Variants in SRFBP1 observed in about 807,000 individuals in gnomAD.
SRFBP1 encodes the protein serum response factor-binding protein 1.
A neutral mutation model predicts 45.5 loss-of-function variants in SRFBP1; 47 were observed. That is an observed-to-expected ratio of 1.03 (90% CI 0.82 to 1.32). The LOEUF (loss-of-function observed/expected upper bound fraction) is 1.32. SRFBP1 is among the 40% of genes most tolerant of loss of function. The pLI is 0.00. For synonymous variants in SRFBP1, 203 were observed against 166.3 expected (o/e 1.22, Z -1.70); for missense variants, 621 against 484.6 (o/e 1.28, Z -2.64).
chr5:122,056,623 G>A (rs974007233), intron 2 of SRFBP1, among the ~76,000 whole-genome samples: 15 of 152,198 alleles, frequency 9.9e-5, no homozygotes, highest in African/African-American at 3.1e-4. Context: ...TCCATGTGTG[G>A]GATATGTCTT....
At chr5:122,026,286 C>T (rs759949601) in intron 7 of SRFBP1, among the ~76,000 whole-genome samples, 9 of 152,144 alleles carry the variant, frequency 5.9e-5, no homozygotes, top group Non-Finnish European at 8.8e-5. Flanking sequence ...CCAAATAAGA[C>T]TTGGTTCAAA....
At chr5:121,998,200 A>G (rs1390972867) in intron 4 of SRFBP1, among the ~76,000 whole-genome samples, 2 of 152,006 alleles carry the variant, frequency 1.3e-5, no homozygotes, top group Non-Finnish European at 2.9e-5. Flanking sequence ...ATGCTGCTAT[A>G]AAGACACATG....
At chr5:121,971,295 GA>G (rs1207037473) in intron 1 of SRFBP1, among the ~76,000 whole-genome samples, 2 of 151,818 alleles carry the variant, frequency 1.3e-5, no homozygotes, top group Admixed American at 6.6e-5. Context: ...TCAAGATAGG[GA>G]AAAAAGTGGT....
chr5:121,985,333 GT>G (rs1168239388), intron 3 of SRFBP1, among the ~76,000 whole-genome samples: 5 of 146,492 alleles, frequency 3.4e-5, no homozygotes, highest in Non-Finnish European at 4.5e-5. Flanking sequence ...GTTGGGTTTT[GT>G]TTTTTTTTTC....
intron 2 of SRFBP1, among the ~76,000 whole-genome samples, chr5:122,067,795 T>G (rs17148776): frequency 0.023 from 3,573 of 152,176 alleles, 139 homozygotes; most frequent in African/African-American, 0.081. Context: ...GCCTGTGACG[T>G]TGACTTGCCC....
In SRFBP1 at chr5:122,020,276, A is replaced by G. The variant is rs1310183498; in HGVS notation, c.541A>G (p.Ile181Val). 2 of 1,612,624 alleles carry G rather than the reference A, an allele frequency of 1.2e-6. No individual in the cohort carries two copies. Among genetic ancestry groups the G allele is most frequent in the African/African-American group, 2.7e-5 (2 of 74,760 alleles). ...AACCAAAATATTGGCGAAGAAACCA[A>G]TACATAATTCAAAGGAAAAAATAGC... ...KETKILAKKP[I>V]HNSKEKIAKM... Residue 181 changes from isoleucine to valine, a missense_variant, in exon 6 of 8, where the codon ATA becomes GTA. By Grantham distance (29) the Ile-to-Val change is conservative. Coordinates refer to ENST00000339397, the MANE Select transcript of SRFBP1 (RefSeq NM_152546.3).
At chr5:122,044,874 T>C (rs1208265456) in intron 2 of SRFBP1, among the ~76,000 whole-genome samples, 1 of 152,210 alleles carries the variant, frequency 6.6e-6, no homozygotes, top group Non-Finnish European at 1.5e-5. Flanking sequence ...TAGGTCCTAC[T>C]TGTCAATTTT....
At chr5:122,052,909 G>A (rs1754014745) in intron 2 of SRFBP1, among the ~76,000 whole-genome samples, 1 of 152,064 alleles carries the variant, frequency 6.6e-6, no homozygotes, top group Admixed American at 6.5e-5. Context: ...CCTTTCGATG[G>A]ATTTTTTTGC....
At chr5:121,998,184 T>C (rs1353582615) in intron 4 of SRFBP1, among the ~76,000 whole-genome samples, 1 of 151,858 alleles carries the variant, frequency 6.6e-6, no homozygotes, top group Non-Finnish European at 1.5e-5. Flanking sequence ...CAAATGACTA[T>C]AAATCATGCT....
downstream of SRFBP1, chr5:122,075,595 C>CA: frequency 9.1e-6 from 11 of 1,207,192 alleles, no homozygotes; most frequent in Non-Finnish European, 1.3e-5. Flanking sequence ...TAACTAAAGA[C>CA]AAAACTACAA....
At chr5:122,001,788 C>T (rs1752879319) in intron 4 of SRFBP1, among the ~76,000 whole-genome samples, 1 of 151,948 alleles carries the variant, frequency 6.6e-6, no homozygotes, top group Non-Finnish European at 1.5e-5. Flanking sequence ...GTCTCGATCT[C>T]CTGACCTCAT....
chr5:122,017,888 T>C (rs1013269851), intron 4 of SRFBP1, among the ~76,000 whole-genome samples: 3 of 152,234 alleles, frequency 2.0e-5, no homozygotes, highest in Admixed American at 6.5e-5. Flanking sequence ...ACTTGCTTTA[T>C]TAAATGTGTA....
At chr5:122,033,450 T>G (rs1187063236), downstream of SRFBP1, among the ~76,000 whole-genome samples, 1 of 152,174 alleles carries the variant, frequency 6.6e-6, no homozygotes, top group African/African-American at 2.4e-5. Context: ...CTTTGCTTGC[T>G]ACTTCATCCA....
intron 2 of SRFBP1, among the ~76,000 whole-genome samples, chr5:122,051,984 T>C (rs1227130359): frequency 6.6e-6 from 1 of 152,174 alleles, no homozygotes. Context: ...CTGAAAAGGA[T>C]CTTATTTCTC....
chr5:122,024,468 T>G (rs1198399516), intron 7 of SRFBP1, among the ~76,000 whole-genome samples: 2 of 152,198 alleles, frequency 1.3e-5, no homozygotes, highest in African/African-American at 4.8e-5. Flanking sequence ...TCTAGGAATT[T>G]TATTCTGTCT....
intron 2 of SRFBP1, among the ~76,000 whole-genome samples, chr5:122,054,126 G>C (rs542726722): frequency 6.6e-6 from 1 of 152,274 alleles, no homozygotes; most frequent in African/African-American, 2.4e-5. Flanking sequence ...ATACTGATCT[G>C]CTCCAGGGCC....
At chr5:121,973,017 A>C (rs1467440645) in intron 1 of SRFBP1, among the ~76,000 whole-genome samples, 1 of 151,948 alleles carries the variant, frequency 6.6e-6, no homozygotes, top group East Asian at 1.9e-4. Flanking sequence ...AGTGAATGAC[A>C]TGAAGGGTAA....
downstream of SRFBP1, among the ~76,000 whole-genome samples, chr5:122,078,736 C>G (rs1001276673): frequency 1.3e-5 from 2 of 152,192 alleles, no homozygotes; most frequent in Non-Finnish European, 2.9e-5. Context: ...CCAACGCACA[C>G]TCTCTCGCTT....
intron 3 of SRFBP1, among the ~76,000 whole-genome samples, chr5:121,989,772 G>T (rs2112669318): frequency 6.6e-6 from 1 of 152,284 alleles, no homozygotes; most frequent in African/African-American, 2.4e-5. Flanking sequence ...AGTCTTTTAA[G>T]TAGTGTTTTA....
Sources: allele counts gnomAD v4.1 joint callset (sites outside exome capture counted in the v4.1 genomes callset), GRCh38; gene constraint gnomAD v4.1.1; transcripts MANE v1.5; gene names NCBI Gene and HGNC (gene_info 2026-07-23, HGNC 2026-07-21).